The following SARDH variants were observed in gnomAD, a reference collection of about 807,000 sequenced individuals.
The protein encoded by SARDH is sarcosine dehydrogenase.
In SARDH, 95 loss-of-function variants were observed where a neutral mutation model predicts 109.1. The observed-to-expected ratio is 0.87, with a 90% confidence interval of 0.74 to 1.03. The LOEUF (loss-of-function observed/expected upper bound fraction) is 1.03, where lower values mean the gene tolerates loss of function less well. Ranked by LOEUF, SARDH falls within the 50% of genes least tolerant of loss-of-function variation. SARDH has a pLI of 0.00. For missense variants in SARDH, 1,267 were observed against 1,287.8 expected (o/e 0.98, Z 0.25); for synonymous variants, 572 against 534.8 (o/e 1.07, Z -0.96).
Position 133,690,522 on chromosome 9 carries a change from C to T in SARDH, c.1927G>A (p.Gly643Ser), listed in dbSNP as rs769700675. 1.3e-5 allele frequency: 20 copies of T among 1,598,396 alleles called. No individual in the cohort carries two copies. Among genetic ancestry groups the T allele is most frequent in the Admixed American group, 1.0e-4 (6 of 59,880 alleles). Residue 643 changes from glycine (G) to serine (S), a missense_variant, in exon 16 of 21, where the codon GGT becomes AGT. Gly to Ser is a moderately conservative substitution (Grantham distance 56, BLOSUM62 0). Transcript: ENST00000439388. ...GCCCCGCCCATGGCCAGGTAGTAAC[C>T]GTCCCCTGGAAGAGAGGCACCTGGA... The part of the protein sequence containing the change: ...SPLAPAFEGD[G>S]YYLAMGGAVA...
At chr9:133,736,373 G>GTTTTTT (rs58051547) in intron 1 of SARDH, among the ~76,000 whole-genome samples, 134 of 137,162 alleles carry the variant, frequency 9.8e-4, no homozygotes, top group African/African-American at 2.6e-3. Flanking sequence ...TTTAAATTCT[G>GTTTTTT]TTTTGTTGTT....
Position 133,692,784 on chromosome 9 carries a change from G to T in SARDH, c.1921+1474C>A, listed in dbSNP as rs1371772937. On this transcript the variant is annotated intron_variant, in intron 15 of 20. Coordinates refer to ENST00000439388, the MANE Select transcript of SARDH (RefSeq NM_001134707.2). The surrounding 1 kb of genome is among the most constrained non-coding windows in gnomAD (Gnocchi z 5.0). ...ATGACTGTTGAGGGAACGAGCGAAG[G>T]AACGAGCTCATGGATCCATGAGGCA... 6.6e-6 allele frequency among the ~76,000 whole-genome samples: 1 copy of T among 152,168 alleles called. No homozygotes were observed. Among genetic ancestry groups the T allele is most frequent in the Non-Finnish European group, 1.5e-5 (1 of 68,014 alleles).
rs761066457 is a variant in SARDH at position 133,719,014 on chromosome 9, G to C, written c.944C>G (p.Ala315Gly). 5 of 1,614,170 alleles carry C rather than the reference G, an allele frequency of 3.1e-6. No homozygotes were observed. In the East Asian group the frequency reaches 1.1e-4, roughly 36 times the overall value. The change falls in exon 7 of 21, where the codon GCC becomes GGC. Residue 315 changes from alanine to glycine, a missense_variant. Coordinates refer to ENST00000439388, the MANE Select transcript of SARDH (RefSeq NM_001134707.2). ...QNMPNVRDHD[A>G]SVYLRLQGDA... The stretch of plus-strand genomic sequence containing the variant: ...CCCTTGGAGGCGGAGGTAGACAGAG[G>C]CATCATGATCACGGACATTGGGCAT...
chr9:133,684,954 G>A (rs1040481126), intron 17 of SARDH, among the ~76,000 whole-genome samples: 2 of 152,220 alleles, frequency 1.3e-5, no homozygotes, highest in Non-Finnish European at 2.9e-5. Flanking sequence ...TCCCTGGCAT[G>A]CACCAGGCAC....
intron 8 of SARDH, among the ~76,000 whole-genome samples, chr9:133,713,896 C>T (rs1350736693): frequency 6.6e-6 from 1 of 152,244 alleles, no homozygotes; most frequent in Non-Finnish European, 1.5e-5. Flanking sequence ...ATGTCCTGGG[C>T]TTGGCCCTGG....
chr9:133,659,801 G>A (rs557632272), downstream of SARDH, among the ~76,000 whole-genome samples: 22 of 152,230 alleles, frequency 1.4e-4, no homozygotes, highest in African/African-American at 4.6e-4. Context: ...GAGCCACTCC[G>A]GCCCTCTGTC....
chr9:133,730,307 AGGTC>A, intron 4 of SARDH, 120 bp from the exon 5 acceptor site: 1 of 1,344,942 alleles, frequency 7.4e-7, no homozygotes, highest in Non-Finnish European at 1.0e-6. Context: ...TGCCAGCAGC[AGGTC>A]CCCTGCGACA....
chr9:133,679,441 G>A (rs1243795226), intron 17 of SARDH, among the ~76,000 whole-genome samples: 1 of 152,254 alleles, frequency 6.6e-6, no homozygotes, highest in African/African-American at 2.4e-5. Flanking sequence ...TTCCTTTTGA[G>A]CTGAAATTAA....
At chr9:133,668,318 A>ACCCTCCCTCT (rs1830155478) in intron 19 of SARDH, among the ~76,000 whole-genome samples, 3 of 17,932 alleles carry the variant, frequency 1.7e-4, no homozygotes, top group African/African-American at 6.9e-4. Context: ...CCTCTCCCCC[A>ACCCTCCCTCT]CCCTCCCTCT....
At chr9:133,716,191 A>G (rs930582443) in intron 8 of SARDH, among the ~76,000 whole-genome samples, 2 of 152,112 alleles carry the variant, frequency 1.3e-5, no homozygotes, top group African/African-American at 4.8e-5. Flanking sequence ...CAGTCACCCC[A>G]TGCCTCGTGT....
intron 17 of SARDH, among the ~76,000 whole-genome samples, chr9:133,674,623 C>T (rs1786555503): frequency 1.3e-5 from 2 of 152,164 alleles, no homozygotes; most frequent in African/African-American, 2.4e-5. Context: ...TCTACAAGGG[C>T]GCTGAGGCCA....
rs1247982107 is a variant in SARDH, at chr9:133,692,542, G to A, written c.1921+1716C>T. Among the ~76,000 whole-genome samples, 1 of 152,116 alleles carries A rather than the reference G, an allele frequency of 6.6e-6. No individual in the cohort carries two copies. Among genetic ancestry groups the A allele is most frequent in the East Asian group, 1.9e-4 (1 of 5,184 alleles). ...AGCTCAGGCCGGCCCTCTCCTCCAG[G>A]AAGCCTTGCTCATCCCGGCTCGGCG... On this transcript the variant is annotated intron_variant, in intron 15 of 20. Transcript: ENST00000439388. This position sits in a 1 kb window ranked among gnomAD's most constrained non-coding sequence, Gnocchi z 5.0.
At chr9:133,667,120 T>C (rs1830101334) in intron 19 of SARDH, 1 of 593,566 alleles carries the variant, frequency 1.7e-6, no homozygotes, top group East Asian at 2.8e-5. Flanking sequence ...TGGACTTTGC[T>C]GTTTCCAGAA....
chr9:133,731,595 G>T, intron 3 of SARDH, 111 bp from the exon 4 acceptor site: 2 of 1,092,520 alleles, frequency 1.8e-6, no homozygotes, highest in Non-Finnish European at 2.7e-6. Context: ...TCTCCCAGAA[G>T]CCTTAGCCGG....
rs1476560234 is a variant in SARDH at position 133,730,056 on chromosome 9, A to G, written c.814+8T>C. 3.1e-6 allele frequency: 5 copies of G among 1,613,882 alleles called. No individual in the cohort carries two copies. ...CCACACAGGAGTCAGGAGAAATGCCACTCGCACCTGCACAGTTGACCACGC... is the reference window on the plus strand; with the variant it reads ...CCACACAGGAGTCAGGAGAAATGCCGCTCGCACCTGCACAGTTGACCACGC... On this transcript the variant is annotated splice_region_variant and intron_variant, in intron 5 of 20. Coordinates refer to ENST00000439388, the MANE Select transcript of SARDH (RefSeq NM_001134707.2).
chr9:133,710,509 G>A (rs1397939648), intron 10 of SARDH, among the ~76,000 whole-genome samples: 1 of 152,246 alleles, frequency 6.6e-6, no homozygotes, highest in Non-Finnish European at 1.5e-5. Context: ...TGTCTCCCAT[G>A]TGTATGATGA....
chr9:133,719,584 G>A lies in SARDH; in HGVS notation c.916-542C>T, dbSNP rs1366919576. ...TATGGAAGGATCTTCCTCTGGAGAG[G>A]TGGGTCCTGAGAGGCTCCAGAAGTG... On this transcript the variant is annotated intron_variant, in intron 6 of 20. Coordinates refer to ENST00000439388, the MANE Select transcript of SARDH (RefSeq NM_001134707.2). Among the ~76,000 whole-genome samples the A allele has an allele frequency of 2.6e-5, 4 of 152,164 alleles. No individual in the cohort carries two copies. In the South Asian group the frequency reaches 6.2e-4, roughly 24 times the overall value.
rs985659283 is a variant in SARDH, at chr9:133,686,766, G to C, written c.2070-1480C>G. Among the ~76,000 whole-genome samples the C allele has an allele frequency of 2.0e-5, 3 of 152,168 alleles. No individual in the cohort carries two copies. The highest frequency in any genetic ancestry group is 2.9e-5 in the Non-Finnish European group (2 of 68,036). Reference sequence around the variant, plus strand: ...GCTGACCCTAATCCCAATCGTCACAGTGCTGGGAGCCGCCACCCACGTCAG... The same window carrying C: ...GCTGACCCTAATCCCAATCGTCACACTGCTGGGAGCCGCCACCCACGTCAG... On this transcript the variant is annotated intron_variant, in intron 16 of 20. Coordinates refer to ENST00000439388, the MANE Select transcript of SARDH (RefSeq NM_001134707.2). The surrounding 1 kb of genome is among the most constrained non-coding windows in gnomAD (Gnocchi z 4.0).
intron 13 of SARDH, among the ~76,000 whole-genome samples, chr9:133,699,494 G>A (rs903606056): frequency 2.0e-5 from 3 of 151,868 alleles, no homozygotes; most frequent in African/African-American, 7.3e-5. Flanking sequence ...CAACAAGAGC[G>A]AAACCCTGTC....
Sources: allele counts gnomAD v4.1 joint callset (sites outside exome capture counted in the v4.1 genomes callset), GRCh38; gene constraint gnomAD v4.1.1; non-coding constraint Gnocchi (gnomAD v3.1); transcripts MANE v1.5; gene names NCBI Gene and HGNC (gene_info 2026-07-23, HGNC 2026-07-21).